MARCHF3: variants seen among roughly 807,000 people sequenced by gnomAD.
MARCHF3 encodes the protein membrane associated ring-CH-type finger 3.
Under a neutral mutation model 24.2 loss-of-function variants are expected in MARCHF3, and 13 were observed. The ratio of observed to expected loss-of-function variants is 0.54; its 90% CI spans 0.35 to 0.85. The LOEUF (loss-of-function observed/expected upper bound fraction) is 0.85, where lower values mean the gene tolerates loss of function less well. Ranked by LOEUF, MARCHF3 falls within the 40% of genes least tolerant of loss-of-function variation. MARCHF3 has a pLI of 0.01. For synonymous variants in MARCHF3, 144 were observed against 137.3 expected, an observed-to-expected ratio of 1.05 and a Z score of -0.34; for missense variants, 276 against 325.0, an observed-to-expected ratio of 0.85 and a Z score of 1.16.
intron 1 of MARCHF3, among the ~76,000 whole-genome samples, chr5:126,927,215 C>A (rs1749325202): frequency 6.6e-6 from 1 of 152,124 alleles, no homozygotes; most frequent in Middle Eastern, 3.2e-3. Context: ...AGATACCAAA[C>A]AAGCACAAGA....
intron 1 of MARCHF3, among the ~76,000 whole-genome samples, chr5:127,029,573 G>A (rs1753108470): frequency 6.6e-6 from 1 of 152,178 alleles, no homozygotes; most frequent in South Asian, 2.1e-4. Flanking sequence ...GTTCTCTGCT[G>A]TCAATTCCTG....
rs1752915744 is a variant in MARCHF3, at chr5:126,870,149, T to G, written c.*484A>C. 6.6e-6 allele frequency: 1 copy of G among 152,662 alleles called. No individual in the cohort carries two copies. The highest frequency in any genetic ancestry group is 6.5e-5 in the Admixed American group (1 of 15,280). The allele number at this position is 152,662 out of a possible 1,614,324, so 9.5% of individuals were successfully genotyped here. On this transcript the variant is annotated 3_prime_UTR_variant, in exon 5 of 5. Coordinates refer to ENST00000308660, the MANE Select transcript of MARCHF3 (RefSeq NM_178450.5). ...AAAAAGACCACTCAGGCTACCAAAG[T>G]ACCCCAAAGAATCCATACGAGAAAC...
At chr5:126,904,572 G>A (rs1754222796) in intron 3 of MARCHF3, among the ~76,000 whole-genome samples, 1 of 149,980 alleles carries the variant, frequency 6.7e-6, no homozygotes, top group Non-Finnish European at 1.5e-5. Flanking sequence ...CAGTGATGGT[G>A]AGCATTTTTT....
At chr5:126,884,576 G>A (rs1753447827) in intron 3 of MARCHF3, among the ~76,000 whole-genome samples, 3 of 152,114 alleles carry the variant, frequency 2.0e-5, no homozygotes, top group African/African-American at 4.8e-5. Flanking sequence ...ACTCCTTTCC[G>A]CTGAGTGTCC....
In MARCHF3 at chr5:127,029,043, A is replaced by G. The variant is rs112022009; in HGVS notation, c.-57+1307T>C. The stretch of plus-strand genomic sequence containing the variant: ...GAGTGGTATTGAACTGAACGCTCGT[A>G]AAGTTCATGGACATACTCTGACCCA... On this transcript the variant is annotated intron_variant, in intron 1 of 4. Coordinates refer to ENST00000308660, the MANE Select transcript of MARCHF3 (RefSeq NM_178450.5). Among the ~76,000 whole-genome samples the G allele has an allele frequency of 2.4e-3, 366 of 152,324 alleles. 1 individual carries two copies. Among genetic ancestry groups the G allele is most frequent in the African/African-American group, 8.0e-3 (332 of 41,576 alleles).
intron 1 of MARCHF3, among the ~76,000 whole-genome samples, chr5:126,967,669 G>C (rs1207896995): frequency 6.6e-6 from 1 of 152,112 alleles, no homozygotes; most frequent in Non-Finnish European, 1.5e-5. Flanking sequence ...CTCCAGCCTG[G>C]GTGACAAGAG....
intron 1 of MARCHF3, among the ~76,000 whole-genome samples, chr5:126,941,492 A>G (rs1240570865): frequency 6.6e-6 from 1 of 152,208 alleles, no homozygotes; most frequent in Non-Finnish European, 1.5e-5. Flanking sequence ...ACACTTGTTA[A>G]AAACAGTTTT....
intron 1 of MARCHF3, among the ~76,000 whole-genome samples, chr5:126,932,178 C>T (rs534152451): frequency 6.6e-6 from 1 of 152,362 alleles, no homozygotes; most frequent in South Asian, 2.1e-4. Context: ...TATCACTATA[C>T]TGACATTAAC....
At chr5:126,914,373 C>T (rs1754645349) in intron 3 of MARCHF3, among the ~76,000 whole-genome samples, 1 of 152,000 alleles carries the variant, frequency 6.6e-6, no homozygotes, top group Admixed American at 6.6e-5. Flanking sequence ...TGCATATGTG[C>T]CCTGTATTCT....
intron 1 of MARCHF3, among the ~76,000 whole-genome samples, chr5:127,024,927 T>C (rs1322942318): frequency 6.6e-6 from 1 of 152,208 alleles, no homozygotes; most frequent in Non-Finnish European, 1.5e-5. Flanking sequence ...CCTAACATAG[T>C]TGGATGGCTA....
At chr5:127,005,818 T>C (rs1752294704) in intron 1 of MARCHF3, among the ~76,000 whole-genome samples, 1 of 152,144 alleles carries the variant, frequency 6.6e-6, no homozygotes, top group Admixed American at 6.5e-5. Flanking sequence ...TACATACATG[T>C]AGATATGTAC....
rs1429740910 is a variant in MARCHF3 at position 126,869,476 on chromosome 5, A to T, written c.*1157T>A. 1.3e-5 allele frequency: 2 copies of T among 151,454 alleles called. No homozygotes were observed. Among genetic ancestry groups the T allele is most frequent in the Non-Finnish European group, 2.9e-5 (2 of 67,916 alleles). The allele number at this position is 151,454 out of a possible 1,614,324, so 9.4% of individuals were successfully genotyped here. A position where few individuals can be genotyped will look rare whatever the true frequency, so the allele number is the denominator to read the frequency against. ...AACCCTTAGAAAAAGTCTATTTCGG[A>T]CTGTGACAGAATTGGCTCATGGTTG... is the stretch of plus-strand genomic sequence containing the variant. On this transcript the variant is annotated 3_prime_UTR_variant, in exon 5 of 5. Coordinates refer to ENST00000308660, the MANE Select transcript of MARCHF3 (RefSeq NM_178450.5).
At chr5:126,954,849 CCTT>C (rs539988786) in intron 1 of MARCHF3, among the ~76,000 whole-genome samples, 218 of 152,240 alleles carry the variant, frequency 1.4e-3, no homozygotes, top group African/African-American at 5.1e-3. Context: ...TGCCTACCCT[CCTT>C]CTTCTCCTTT....
chr5:126,897,101 A>G (rs6878881), intron 3 of MARCHF3, among the ~76,000 whole-genome samples: 146,770 of 148,994 alleles, frequency 0.99, 72,337 homozygotes, highest in South Asian at 1. Context: ...GTGCAATGGC[A>G]CAATCTCGGC....
At chr5:127,005,652 TGTCTCAAAG>T (rs959311299) in intron 1 of MARCHF3, among the ~76,000 whole-genome samples, 1 of 152,134 alleles carries the variant, frequency 6.6e-6, no homozygotes, top group Non-Finnish European at 1.5e-5. Context: ...TATCTTTTAT[TGTCTCAAAG>T]GGGTCTGTGA....
At chr5:126,978,805 A>G (rs1378299451) in intron 1 of MARCHF3, among the ~76,000 whole-genome samples, 1 of 152,166 alleles carries the variant, frequency 6.6e-6, no homozygotes, top group Non-Finnish European at 1.5e-5. Flanking sequence ...TGACCAGCCC[A>G]GTGAGGAACT....
chr5:126,976,563 G>A (rs1010798944), intron 1 of MARCHF3, among the ~76,000 whole-genome samples: 1 of 152,144 alleles, frequency 6.6e-6, no homozygotes, highest in Non-Finnish European at 1.5e-5. Context: ...TATCTATCTA[G>A]ACCTCTTCAC....
At chr5:126,969,205 G>C (rs1054710329) in intron 1 of MARCHF3, among the ~76,000 whole-genome samples, 1 of 152,202 alleles carries the variant, frequency 6.6e-6, no homozygotes, top group Non-Finnish European at 1.5e-5. Flanking sequence ...GAAAGTAAGA[G>C]TGAGTAGATT....
chr5:127,023,365 T>C (rs1752873712), intron 1 of MARCHF3, among the ~76,000 whole-genome samples: 1 of 152,186 alleles, frequency 6.6e-6, no homozygotes, highest in Non-Finnish European at 1.5e-5. Context: ...ACCTGTACAG[T>C]TGTTCAAGGG....
Sources: allele counts gnomAD v4.1 joint callset (sites outside exome capture counted in the v4.1 genomes callset), GRCh38; gene constraint gnomAD v4.1.1; transcripts MANE v1.5; gene names NCBI Gene and HGNC (gene_info 2026-07-23, HGNC 2026-07-21).